TRIM66: variants seen among roughly 807,000 people sequenced by gnomAD.
The protein encoded by TRIM66 is tripartite motif-containing protein 66.
TRIM66 carries 99 observed loss-of-function variants against 148.2 expected under a neutral mutation model. The observed-to-expected ratio is 0.67, with a 90% CI of 0.57 to 0.79. The LOEUF (loss-of-function observed/expected upper bound fraction) is 0.79. TRIM66 is among the 30% of genes least tolerant of loss of function. The probability of loss-of-function intolerance (pLI) is 0.00; values close to 1 mark genes in which losing one functional copy is unlikely to be tolerated. For missense variants in TRIM66, 1,666 were observed against 1,697.9 expected, an observed-to-expected ratio of 0.98 and a Z score of 0.33; for synonymous variants, 616 against 635.9, an observed-to-expected ratio of 0.97 and a Z score of 0.47.
intron 1 of TRIM66, among the ~76,000 whole-genome samples, chr11:8,681,854 T>C (rs1304811366): frequency 6.6e-6 from 1 of 152,170 alleles, no homozygotes; most frequent in East Asian, 1.9e-4. Context: ...CTGTCTGCAT[T>C]GTGTCCAGGA....
intron 6 of TRIM66, among the ~76,000 whole-genome samples, chr11:8,664,481 G>C (rs976671089): frequency 1.3e-5 from 2 of 152,128 alleles, no homozygotes; most frequent in African/African-American, 2.4e-5. Context: ...GTTAACCTTA[G>C]TCTATAAATA....
chr11:8,620,595 G>T (rs767398055), intron 20 of TRIM66, 23 bp from the exon 21 acceptor site: 2 of 1,550,910 alleles, frequency 1.3e-6, no homozygotes, highest in African/African-American at 1.4e-5. Flanking sequence ...GTGAGGCCAT[G>T]TTAGGCCTCA....
chr11:8,655,790 A>T (rs1377055990), intron 6 of TRIM66, among the ~76,000 whole-genome samples: 1 of 152,092 alleles, frequency 6.6e-6, no homozygotes, highest in Non-Finnish European at 1.5e-5. Flanking sequence ...TCCAAAAAAA[A>T]TTAAAATAAA....
chr11:8,680,595 CAG>C (rs2039367987), intron 1 of TRIM66: 1 of 151,942 alleles, frequency 6.6e-6, no homozygotes, highest in Admixed American at 6.6e-5. Flanking sequence ...CTCACCAAGA[CAG>C]AGAATAAAGG....
At position 8,641,025 on chromosome 11, in the gene TRIM66, G is replaced by A; in HGVS notation, c.1350C>T (p.His450=). 2 of 1,551,662 alleles carry A rather than the reference G, an allele frequency of 1.3e-6. No homozygotes were observed. The highest frequency in any genetic ancestry group is 1.7e-6 in the Non-Finnish European group (2 of 1,146,998). Residue 450 remains histidine (H), a synonymous_variant, in exon 14 of 25, where the codon CAC becomes CAT. Transcript: ENST00000646038. ...SPVAQQEALS[H]PSHKFQSPAV... is the part of the protein sequence containing the mutation. ...CTGGAGACTGGAACTTGTGTGAGGGGTGGCTAAGAGCCTCTTGCTGAGCCA... is the reference window on the plus strand; with the variant it reads ...CTGGAGACTGGAACTTGTGTGAGGGATGGCTAAGAGCCTCTTGCTGAGCCA...
At position 8,636,378 on chromosome 11, in the gene TRIM66, T is replaced by C. The variant is rs567883620; in HGVS notation, c.2310+2276A>G. On this transcript the variant is annotated intron_variant, in intron 15 of 24. Transcript: ENST00000646038. Reference sequence around the variant, plus strand: ...CAGGCAAGAAGAACCCATCAGGCGGTTACAGCAACTCTCATGCTTGCTTCT... The same window carrying C: ...CAGGCAAGAAGAACCCATCAGGCGGCTACAGCAACTCTCATGCTTGCTTCT... 2.6e-5 allele frequency among the ~76,000 whole-genome samples: 4 copies of C among 152,216 alleles called. No individual in the cohort carries two copies. In the South Asian group the frequency reaches 8.3e-4, roughly 32 times the overall value.
chr11:8,667,232 TA>T (rs2038658424), intron 6 of TRIM66, among the ~76,000 whole-genome samples: 1 of 152,178 alleles, frequency 6.6e-6, no homozygotes, highest in Admixed American at 6.5e-5. Context: ...ACTTAAGAGC[TA>T]AAACTATAAA....
At chr11:8,671,667 A>G (rs1164657098) in intron 6 of TRIM66, 119 bp downstream of exon 6, 3 of 616,688 alleles carry the variant, frequency 4.9e-6, no homozygotes, top group Non-Finnish European at 5.8e-6. Context: ...GCTTTCAGCA[A>G]TGAGTGTCCC....
chr11:8,682,768 T>A (rs2039505577), upstream of TRIM66: 2 of 1,613,526 alleles, frequency 1.2e-6, no homozygotes, highest in Non-Finnish European at 1.7e-6. Flanking sequence ...GGCCGATACC[T>A]CGCGAGACTT....
chr11:8,652,835 G>A lies in TRIM66; in HGVS notation c.341-932C>T, dbSNP rs544029649. 9.7e-4 allele frequency among the ~76,000 whole-genome samples: 148 copies of A among 152,326 alleles called. 3 individuals carry two copies. The Middle Eastern group carries it at 0.01, about 11-fold the overall frequency. On this transcript the variant is annotated intron_variant, in intron 6 of 24. Transcript: ENST00000646038. ...CCTCTGTCTCATCTCTTCAAAATACGAAAGAATGATATGATGGCAGTTGCT... is the reference window on the plus strand; with the variant it reads ...CCTCTGTCTCATCTCTTCAAAATACAAAAGAATGATATGATGGCAGTTGCT...
intron 10 of TRIM66, 83 bp from the exon 11 acceptor site, chr11:8,646,644 C>A (rs2036871985): frequency 1.8e-6 from 2 of 1,097,420 alleles, no homozygotes; most frequent in Non-Finnish European, 2.7e-6. Context: ...TAAGAACCAA[C>A]TTGGAGGCTG....
intron 15 of TRIM66, among the ~76,000 whole-genome samples, chr11:8,625,462 A>AG (rs1565485071): frequency 1.6e-4 from 7 of 43,628 alleles, no homozygotes; most frequent in African/African-American, 2.7e-4. Flanking sequence ...GCGGAGAACT[A>AG]TTGTGTGTGT....
At chr11:8,668,252 T>C (rs946833119) in intron 6 of TRIM66, among the ~76,000 whole-genome samples, 3 of 151,920 alleles carry the variant, frequency 2.0e-5, no homozygotes, top group Non-Finnish European at 4.4e-5. Context: ...CTTTTGCCCA[T>C]TTTAAAATCA....
In TRIM66 at chr11:8,625,303, C is replaced by T; in HGVS notation, c.2311-75G>A. 2.1e-6 allele frequency: 3 copies of T among 1,428,436 alleles called. No homozygotes were observed. The South Asian group carries it at 4.5e-5, about 21-fold the overall frequency. 88.5% of individuals were successfully genotyped at this position (1,428,436 alleles called of 1,614,324 possible). On this transcript the variant is annotated intron_variant, in intron 15 of 24. Coordinates refer to ENST00000646038, the MANE Select transcript of TRIM66 (RefSeq NM_001388022.1). ...AGGGAGGGAGAGGAGGGACCCAACC[C>T]ACAGGAACTCCCATGCTCCAATTCC...
chr11:8,682,134 T>A, intron 1 of TRIM66, among the ~76,000 whole-genome samples: 1 of 152,144 alleles, frequency 6.6e-6, no homozygotes, highest in East Asian at 1.9e-4. Flanking sequence ...GGCATCTAAG[T>A]CCCTGAAGCA....
chr11:8,666,816 T>C (rs2038629863), intron 6 of TRIM66, among the ~76,000 whole-genome samples: 1 of 152,204 alleles, frequency 6.6e-6, no homozygotes, highest in South Asian at 2.1e-4. Flanking sequence ...GTAATTGTCA[T>C]ACATATAGAC....
At chr11:8,649,349 A>T (rs1364804230) in intron 8 of TRIM66, among the ~76,000 whole-genome samples, 1 of 152,150 alleles carries the variant, frequency 6.6e-6, no homozygotes, top group Non-Finnish European at 1.5e-5. Context: ...AAAAAAAAAT[A>T]AAAATAAAAA....
At chr11:8,626,803 T>C (rs1258505467) in intron 15 of TRIM66, among the ~76,000 whole-genome samples, 1 of 152,190 alleles carries the variant, frequency 6.6e-6, no homozygotes, top group East Asian at 1.9e-4. Context: ...TCCTCTGTCC[T>C]CCTTTGTAGC....
Position 8,622,318 on chromosome 11 carries a change from T to C in TRIM66, c.3080+498A>G, listed in dbSNP as rs575186899. 3.2e-4 allele frequency among the ~76,000 whole-genome samples: 38 copies of C among 117,192 alleles called. 1 individual carries two copies. The highest frequency in any genetic ancestry group is 1.1e-3 in the African/African-American group (35 of 31,624). The allele number at this position is 117,192 out of a possible 152,430, so 76.9% of individuals were successfully genotyped here. The stretch of plus-strand genomic sequence containing the variant: ...ATATATATATGTGTGTGTGTATATA[T>C]ATGGAAGTACACACACACACAACAC... On this transcript the variant is annotated intron_variant, in intron 18 of 24. Transcript: ENST00000646038.
Sources: gnomAD v4.1 joint callset for allele counts (sites outside exome capture counted in the v4.1 genomes callset) on GRCh38, gnomAD v4.1.1 for gene constraint, MANE v1.5 for transcripts, NCBI Gene and HGNC (gene_info 2026-07-23, HGNC 2026-07-21) for gene names.